Variants in TRIO observed in about 807,000 individuals in gnomAD.
The protein encoded by TRIO is triple functional domain protein.
TRIO carries 58 observed loss-of-function variants against 351.9 expected under a neutral mutation model. The ratio of observed to expected loss-of-function variants is 0.16; its 90% CI spans 0.13 to 0.21. The LOEUF is 0.21. TRIO is among the 10% of genes least tolerant of loss of function. The pLI, the probability that TRIO is intolerant of heterozygous loss-of-function variation, is 1.00. For synonymous variants in TRIO, 1,758 were observed against 1,595.7 expected, an observed-to-expected ratio of 1.10 and a Z score of -2.42; for missense variants, 3,201 against 4,027.8, an observed-to-expected ratio of 0.79 and a Z score of 5.56.
intron 55 of TRIO, among the ~76,000 whole-genome samples, chr5:14,505,004 A>G (rs76294711): frequency 0.02 from 3,037 of 152,302 alleles, 80 homozygotes; most frequent in African/African-American, 0.059. Context: ...GGTGCCCCTC[A>G]GGCCTCCTGC....
intron 1 of TRIO, among the ~76,000 whole-genome samples, chr5:14,239,365 T>A (rs2152232928): frequency 6.6e-6 from 1 of 152,330 alleles, no homozygotes; most frequent in Middle Eastern, 3.4e-3. Context: ...AAGAATTAAA[T>A]GCAGTGAATC....
chr5:14,462,659 C>T lies in TRIO; in HGVS notation c.5497-96C>T, dbSNP rs1047212376. 3 of 1,507,778 alleles carry T rather than the reference C, an allele frequency of 2.0e-6. No homozygotes were observed. The Admixed American group carries it at 5.8e-5, about 29-fold the overall frequency. The allele number at this position is 1,507,778 out of a possible 1,614,324, so 93.4% of individuals were successfully genotyped here. On this transcript the variant is annotated intron_variant, in intron 35 of 56. Transcript: ENST00000344204. ...AGCTTTGTTCCTGATTTCTGCCATC[C>T]CAGTCTCTGTCCCCACCTTGCTTCT...
chr5:14,256,880 G>A (rs1795048609), intron 1 of TRIO, among the ~76,000 whole-genome samples: 1 of 152,218 alleles, frequency 6.6e-6, no homozygotes, highest in Non-Finnish European at 1.5e-5. Flanking sequence ...GGAAAACTTA[G>A]TGTGGCTTTT....
chr5:14,204,851 G>A (rs577079132), intron 1 of TRIO, among the ~76,000 whole-genome samples: 1 of 152,266 alleles, frequency 6.6e-6, no homozygotes, highest in East Asian at 1.9e-4. Context: ...TCATTCACTG[G>A]GCTGTTCGGA....
intron 34 of TRIO, among the ~76,000 whole-genome samples, chr5:14,430,963 C>G (rs1398100733): frequency 6.6e-6 from 1 of 152,180 alleles, no homozygotes; most frequent in East Asian, 1.9e-4. Flanking sequence ...CCGCCTTCCT[C>G]GACTTCCCAA....
chr5:14,302,363 C>T (rs1737977513), intron 7 of TRIO, among the ~76,000 whole-genome samples: 1 of 152,136 alleles, frequency 6.6e-6, no homozygotes, highest in Non-Finnish European at 1.5e-5. Flanking sequence ...TAATTGCTGA[C>T]TTAGACCTGA....
At chr5:14,341,084 G>A (rs915982374) in intron 11 of TRIO, among the ~76,000 whole-genome samples, 6 of 152,076 alleles carry the variant, frequency 3.9e-5, no homozygotes, top group Admixed American at 3.9e-4. Context: ...CATAAGTTTG[G>A]GTTTGATTTG....
At chr5:14,442,817 C>G (rs1036640007) in intron 34 of TRIO, among the ~76,000 whole-genome samples, 1 of 152,196 alleles carries the variant, frequency 6.6e-6, no homozygotes, top group Non-Finnish European at 1.5e-5. Flanking sequence ...GATTTGATGC[C>G]TCAGCCGCTA....
intron 34 of TRIO, among the ~76,000 whole-genome samples, chr5:14,448,745 T>C (rs1752625366): frequency 6.6e-6 from 1 of 152,096 alleles, no homozygotes; most frequent in Non-Finnish European, 1.5e-5. Flanking sequence ...GTTTCATTTA[T>C]ATGGAATTTT....
At chr5:14,382,727 T>A (rs551228947) in intron 21 of TRIO, among the ~76,000 whole-genome samples, 21 of 152,336 alleles carry the variant, frequency 1.4e-4, no homozygotes, top group Admixed American at 5.9e-4. Flanking sequence ...GCACATTATA[T>A]GATCCGTATT....
chr5:14,328,101 C>G (rs1216849481), intron 9 of TRIO, among the ~76,000 whole-genome samples: 1 of 152,214 alleles, frequency 6.6e-6, no homozygotes, highest in African/African-American at 2.4e-5. Context: ...CTAATGTGCT[C>G]AATACACTAG....
Position 14,508,208 on chromosome 5 carries a change from T to C in TRIO, c.9080T>C (p.Val3027Ala). 6.2e-7 allele frequency: 1 copy of C among 1,614,124 alleles called. No individual in the cohort carries two copies. The highest frequency in any genetic ancestry group is 8.5e-7 in the Non-Finnish European group (1 of 1,180,024). ...GTGAGCCAGAAGGCCAAGGAGTTCG[T>C]GTGCTTCCTCCTGCAGGAGGACCCC... ...KGVSQKAKEFVCFLLQEDPAK... is the reference protein window; with the variant it reads ...KGVSQKAKEFACFLLQEDPAK... Residue 3027 changes from valine to alanine, a missense_variant, in exon 57 of 57, where the codon GTG (valine) becomes GCG (alanine). By Grantham distance (64) the Val-to-Ala change is moderately conservative (BLOSUM62 0). Coordinates refer to ENST00000344204, the MANE Select transcript of TRIO (RefSeq NM_007118.4).
chr5:14,427,963 C>T (rs982751825), intron 34 of TRIO, among the ~76,000 whole-genome samples: 1 of 152,188 alleles, frequency 6.6e-6, no homozygotes, highest in Non-Finnish European at 1.5e-5. Context: ...TCTTCTCTAC[C>T]TTTGCAGAAG....
chr5:14,494,610 C>T (rs1756739043), intron 49 of TRIO, among the ~76,000 whole-genome samples: 1 of 152,182 alleles, frequency 6.6e-6, no homozygotes, highest in Admixed American at 6.5e-5. Flanking sequence ...TTAAGAAATA[C>T]ATTTTGGGCT....
intron 1 of TRIO, among the ~76,000 whole-genome samples, chr5:14,264,298 ACTTT>A (rs1374970507): frequency 6.6e-6 from 1 of 152,246 alleles, no homozygotes. Flanking sequence ...AAAATAAACT[ACTTT>A]CTTTCTTTGA....
At chr5:14,176,114 C>G (rs1253486247) in intron 1 of TRIO, among the ~76,000 whole-genome samples, 2 of 152,020 alleles carry the variant, frequency 1.3e-5, no homozygotes, top group African/African-American at 4.8e-5. Context: ...CAAGGCCAGC[C>G]TGGGCAACAA....
chr5:14,422,238 G>T (rs1432848314), intron 34 of TRIO, among the ~76,000 whole-genome samples: 2 of 152,224 alleles, frequency 1.3e-5, no homozygotes, highest in Non-Finnish European at 2.9e-5. Context: ...CCTCGCTTCA[G>T]AACTCAGGGA....
chr5:14,426,141 T>G (rs976152236), intron 34 of TRIO, among the ~76,000 whole-genome samples: 2 of 152,190 alleles, frequency 1.3e-5, no homozygotes, highest in African/African-American at 4.8e-5. Context: ...TTGCTTAAAT[T>G]TCTTTGGCGA....
intron 37 of TRIO, among the ~76,000 whole-genome samples, chr5:14,468,344 G>A (rs996949682): frequency 2.0e-5 from 3 of 152,216 alleles, no homozygotes; most frequent in Non-Finnish European, 4.4e-5. Context: ...GTCTCATTAC[G>A]GTGAGTTCCA....
Sources: allele counts gnomAD v4.1 joint callset (sites outside exome capture counted in the v4.1 genomes callset), GRCh38; gene constraint gnomAD v4.1.1; transcripts MANE v1.5; gene names NCBI Gene and HGNC (gene_info 2026-07-23, HGNC 2026-07-21).